Variants in DENND1A observed in about 807,000 individuals in gnomAD.
DENND1A encodes the protein DENN domain-containing protein 1A.
Under a neutral mutation model 113.7 loss-of-function variants are expected in DENND1A, and 51 were observed. The ratio of observed to expected loss-of-function variants is 0.45; its 90% CI spans 0.36 to 0.57. The LOEUF is 0.57. Among genes scored for constraint, DENND1A ranks in the 20% least tolerant of loss-of-function variants. The pLI is 0.00. For synonymous variants in DENND1A, 565 were observed against 570.8 expected (o/e 0.99, Z 0.14); for missense variants, 1,258 against 1,395.9 (o/e 0.90, Z 1.57).
At chr9:123,809,139 T>C (rs1198966021) in intron 2 of DENND1A, among the ~76,000 whole-genome samples, 2 of 152,198 alleles carry the variant, frequency 1.3e-5, no homozygotes, top group African/African-American at 4.8e-5. Flanking sequence ...CGATGGTTTC[T>C]ATTATCTTCA....
intron 2 of DENND1A, among the ~76,000 whole-genome samples, chr9:123,808,097 G>A (rs974150720): frequency 9.9e-5 from 15 of 151,886 alleles, no homozygotes; most frequent in African/African-American, 2.9e-4. Flanking sequence ...GTGGTGGTGG[G>A]CACCTGTAAT....
At chr9:123,435,442 C>T (rs1043468148) in intron 19 of DENND1A, among the ~76,000 whole-genome samples, 7 of 152,300 alleles carry the variant, frequency 4.6e-5, no homozygotes, top group African/African-American at 7.2e-5. Flanking sequence ...CTGGAAGCCA[C>T]GGTGGTGCTT....
chr9:123,666,485 T>C (rs1244593628), intron 8 of DENND1A, among the ~76,000 whole-genome samples: 1 of 152,206 alleles, frequency 6.6e-6, no homozygotes, highest in East Asian at 1.9e-4. Context: ...AAGGTAAATA[T>C]ACAAAGGTAA....
chr9:123,829,008 G>A (rs1312040458), intron 2 of DENND1A, among the ~76,000 whole-genome samples: 5 of 152,142 alleles, frequency 3.3e-5, no homozygotes, highest in Admixed American at 6.5e-5. Context: ...AGAAGGGAAC[G>A]GAGCCAGGCA....
chr9:123,552,754 G>C (rs1345231204), intron 13 of DENND1A, among the ~76,000 whole-genome samples: 2 of 152,242 alleles, frequency 1.3e-5, no homozygotes, highest in Non-Finnish European at 2.9e-5. Context: ...CGCCTCAGGG[G>C]CCATTCCCTG....
intron 5 of DENND1A, among the ~76,000 whole-genome samples, chr9:123,707,614 G>C (rs975970685): frequency 5.3e-5 from 8 of 152,146 alleles, no homozygotes; most frequent in African/African-American, 1.7e-4. Flanking sequence ...TCAAGAAAGA[G>C]GAGAACTGAG....
chr9:123,684,257 A>AGGCC, intron 5 of DENND1A, among the ~76,000 whole-genome samples: 1 of 152,176 alleles, frequency 6.6e-6, no homozygotes, highest in African/African-American at 2.4e-5. Flanking sequence ...GCAGTGCCAC[A>AGGCC]GGCCTCCTGT....
At chr9:123,711,513 G>GTGTATATATATATATATATA (rs1369120234) in intron 5 of DENND1A, among the ~76,000 whole-genome samples, 1 of 121,008 alleles carries the variant, frequency 8.3e-6, no homozygotes, top group African/African-American at 3.3e-5. Context: ...ATGTATATAT[G>GTGTATATATATATATATATA]TATATATATA....
At chr9:123,628,442 T>C (rs1324746173) in intron 10 of DENND1A, among the ~76,000 whole-genome samples, 2 of 151,872 alleles carry the variant, frequency 1.3e-5, no homozygotes, top group East Asian at 3.9e-4. Flanking sequence ...GCAGCCTCAC[T>C]AGGGCAGAGT....
At chr9:123,384,426 G>A (rs2130894053) in intron 22 of DENND1A, among the ~76,000 whole-genome samples, 1 of 152,350 alleles carries the variant, frequency 6.6e-6, no homozygotes, top group South Asian at 2.1e-4. Context: ...TGCTAACCTT[G>A]GTTCCACCTC....
chr9:123,903,062 G>A (rs1203343456), intron 1 of DENND1A, among the ~76,000 whole-genome samples: 2 of 152,094 alleles, frequency 1.3e-5, no homozygotes, highest in Admixed American at 6.5e-5. Context: ...GCCGGGCGCG[G>A]TGGCTCACAC....
intron 9 of DENND1A, among the ~76,000 whole-genome samples, chr9:123,651,591 T>C (rs1244177967): frequency 6.6e-6 from 1 of 152,194 alleles, no homozygotes; most frequent in Non-Finnish European, 1.5e-5. Context: ...AATATAACTG[T>C]AACAGTCAAA....
chr9:123,845,670 C>CAAAAAAAAAAAAAAAAAAAAA (rs555731367), intron 2 of DENND1A, among the ~76,000 whole-genome samples: 11 of 44,092 alleles, frequency 2.5e-4, no homozygotes, highest in African/African-American at 8.5e-4. Flanking sequence ...AACCTGTCTC[C>CAAAAAAAAAAAAAAAAAAAAA]AAAAAAAAAA....
At position 123,660,394 on chromosome 9, in the gene DENND1A, G is replaced by C. The variant is rs912454501; in HGVS notation, c.507+6632C>G. On this transcript the variant is annotated intron_variant, in intron 8 of 23. Transcript: ENST00000394215. ...AAGGAATGTAAATTTTTAAAATAGTGGGGGCAGGAGAGGTAGCATACAGTG... is the reference window on the plus strand; with the variant it reads ...AAGGAATGTAAATTTTTAAAATAGTCGGGGCAGGAGAGGTAGCATACAGTG... Among the ~76,000 whole-genome samples, 3 of 152,224 alleles carry C rather than the reference G, an allele frequency of 2.0e-5. No homozygotes were observed. In the East Asian group the frequency reaches 5.8e-4, roughly 29 times the overall value.
chr9:123,401,893 C>G, intron 21 of DENND1A: 1 of 1,614,144 alleles, frequency 6.2e-7, no homozygotes, highest in East Asian at 2.2e-5. Flanking sequence ...TGGAGTGTAG[C>G]TGGTGTTGCA....
chr9:123,668,188 C>T (rs1686489478), intron 7 of DENND1A, among the ~76,000 whole-genome samples: 1 of 152,104 alleles, frequency 6.6e-6, no homozygotes, highest in African/African-American at 2.4e-5. Context: ...CAGAGAAGGT[C>T]AGCGTAGCCA....
chr9:123,896,797 T>G (rs778309151), intron 1 of DENND1A, among the ~76,000 whole-genome samples: 1 of 151,780 alleles, frequency 6.6e-6, no homozygotes, highest in Non-Finnish European at 1.5e-5. Context: ...CTTAAAGAAA[T>G]GATACAAAAT....
intron 13 of DENND1A, among the ~76,000 whole-genome samples, chr9:123,533,599 T>C (rs896125848): frequency 2.8e-4 from 43 of 152,216 alleles, no homozygotes; most frequent in African/African-American, 9.9e-4. Flanking sequence ...TCTCAAGCAC[T>C]GCGAACTGGA....
chr9:123,746,297 T>C (rs983681259), intron 5 of DENND1A, among the ~76,000 whole-genome samples: 6 of 152,200 alleles, frequency 3.9e-5, no homozygotes, highest in Non-Finnish European at 2.9e-5. Context: ...TGCATTAGTA[T>C]TGTCCACAAT....
Sources: gnomAD v4.1 joint callset for allele counts (sites outside exome capture counted in the v4.1 genomes callset) on GRCh38, gnomAD v4.1.1 for gene constraint, MANE v1.5 for transcripts, NCBI Gene and HGNC (gene_info 2026-07-23, HGNC 2026-07-21) for gene names.